RAD54B: variants seen among roughly 807,000 people sequenced by gnomAD.
RAD54B encodes the protein RAD54 homolog B, also known as DNA repair and recombination protein RAD54B.
Under a neutral mutation model 95.8 loss-of-function variants are expected in RAD54B, and 78 were observed. The ratio of observed to expected loss-of-function variants is 0.81; its 90% CI spans 0.68 to 0.98. The LOEUF (loss-of-function observed/expected upper bound fraction) is 0.98, where lower values mean the gene tolerates loss of function less well. Ranked by LOEUF, RAD54B falls within the 50% of genes least tolerant of loss-of-function variation. The pLI, the probability that RAD54B is intolerant of heterozygous loss-of-function variation, is 0.00. For synonymous variants in RAD54B, 328 were observed against 354.9 expected (o/e 0.92, Z 0.85); for missense variants, 957 against 1,056.6 (o/e 0.91, Z 1.31).
At chr8:94,401,254 G>A (rs1189055063) in intron 6 of RAD54B, among the ~76,000 whole-genome samples, 1 of 151,950 alleles carries the variant, frequency 6.6e-6, no homozygotes, top group Non-Finnish European at 1.5e-5. Flanking sequence ...ATAAATGAGT[G>A]TGCCTACCTC....
At chr8:94,446,203 A>AG (rs1812516031) in intron 3 of RAD54B, among the ~76,000 whole-genome samples, 1 of 152,212 alleles carries the variant, frequency 6.6e-6, no homozygotes, top group Non-Finnish European at 1.5e-5. Flanking sequence ...ATTGTGGGGT[A>AG]GGGGTGATTT....
At chr8:94,407,274 A>G in intron 5 of RAD54B, among the ~76,000 whole-genome samples, 165 bp downstream of exon 5, 1 of 152,218 alleles carries the variant, frequency 6.6e-6, no homozygotes, top group East Asian at 1.9e-4. Flanking sequence ...CCCAAACTAT[A>G]TTGTTATTTG....
chr8:94,458,181 T>C, intron 3 of RAD54B, 87 bp downstream of exon 3: 1 of 1,268,388 alleles, frequency 7.9e-7, no homozygotes. Context: ...TTTTCTAATA[T>C]AACATATTCA....
At chr8:94,470,728 A>G (rs905388746) in intron 1 of RAD54B, among the ~76,000 whole-genome samples, 1 of 152,074 alleles carries the variant, frequency 6.6e-6, no homozygotes, top group African/African-American at 2.4e-5. Context: ...ACTGCACTCC[A>G]GCCTGGGTGA....
intron 14 of RAD54B, 52 bp from the exon 15 acceptor site, chr8:94,372,439 AAATAC>A (rs778989577): frequency 2.5e-6 from 4 of 1,588,372 alleles, no homozygotes; most frequent in East Asian, 2.2e-5. Flanking sequence ...ATATCCTGCT[AAATAC>A]AATACTTTTT....
chr8:94,406,035 T>TAG (rs1811383062), intron 5 of RAD54B, among the ~76,000 whole-genome samples: 1 of 87,766 alleles, frequency 1.1e-5, no homozygotes, highest in South Asian at 4.0e-4. Context: ...CACATATATA[T>TAG]AAAATTCACA....
At position 94,460,424 on chromosome 8, in the gene RAD54B, T is replaced by C. The variant is rs538655703; in HGVS notation, c.136-1988A>G. ...AGGCCAAGGTTGCAGCAAGCTGAGA[T>C]CACACCACTGTACTCCAGCCTGGGC... On this transcript the variant is annotated intron_variant, in intron 2 of 14. Transcript: ENST00000336148. Among the ~76,000 whole-genome samples the C allele has an allele frequency of 7.2e-5, 11 of 151,732 alleles. No homozygotes were observed. The East Asian group carries it at 2.1e-3, about 29-fold the overall frequency.
chr8:94,399,217 A>C (rs919098458), intron 8 of RAD54B, among the ~76,000 whole-genome samples, 197 bp downstream of exon 8: 12 of 152,164 alleles, frequency 7.9e-5, no homozygotes, highest in African/African-American at 2.4e-4. Flanking sequence ...ATTCCTAAAA[A>C]ACTCCAAAGT....
chr8:94,417,063 C>T (rs910235086), intron 3 of RAD54B, among the ~76,000 whole-genome samples: 5 of 151,974 alleles, frequency 3.3e-5, no homozygotes, highest in Non-Finnish European at 7.4e-5. Context: ...AGAAAAAGAA[C>T]AAAGTACTAA....
chr8:94,393,874 T>C lies in RAD54B; in HGVS notation c.1387A>G (p.Ile463Val), dbSNP rs1811080607. ...AAAAATTCTTGCAGATCATTCTGAATTGGAGTACCTAAAGAGAGACAAAAA... is the reference window on the plus strand; with the variant it reads ...AAAAATTCTTGCAGATCATTCTGAACTGGAGTACCTAAAGAGAGACAAAAA... ...EKRIILTGTP[I>V]QNDLQEFFAL... The change falls in exon 9 of 15, where the codon ATT becomes GTT. Residue 463 changes from isoleucine (I) to valine (V), a missense_variant. Physicochemically the swap from Ile to Val is conservative, Grantham distance 29. Coordinates refer to ENST00000336148, the MANE Select transcript of RAD54B (RefSeq NM_012415.3). The C allele has an allele frequency of 1.2e-6, 2 of 1,605,060 alleles. No individual in the cohort carries two copies. The highest frequency in any genetic ancestry group is 2.2e-5 in the South Asian group (2 of 89,810).
chr8:94,459,215 C>T lies in RAD54B; in HGVS notation c.136-779G>A, dbSNP rs374386569. ...ACCCAGGCTGAAGAGTGCAGTGTCACGACCATAGCTCATTGCAGCCTTCAA... is the reference window on the plus strand; with the variant it reads ...ACCCAGGCTGAAGAGTGCAGTGTCATGACCATAGCTCATTGCAGCCTTCAA... On this transcript the variant is annotated intron_variant, in intron 2 of 14. Transcript: ENST00000336148. Among the ~76,000 whole-genome samples, 18 of 152,038 alleles carry T rather than the reference C, an allele frequency of 1.2e-4. No homozygotes were observed. The East Asian group carries it at 2.2e-3, about 18-fold the overall frequency.
At chr8:94,421,063 C>T (rs528235989) in intron 3 of RAD54B, among the ~76,000 whole-genome samples, 1 of 152,120 alleles carries the variant, frequency 6.6e-6, no homozygotes, top group Admixed American at 6.5e-5. Flanking sequence ...TATCCAAACA[C>T]TCCCACCCCC....
chr8:94,428,808 T>C (rs1233136799), intron 3 of RAD54B: 16 of 985,178 alleles, frequency 1.6e-5, no homozygotes, highest in Non-Finnish European at 1.9e-5. Context: ...AAACTGCTAA[T>C]GTTAGTTGGT....
chr8:94,436,395 T>A, intron 3 of RAD54B: 1 of 1,353,072 alleles, frequency 7.4e-7, no homozygotes, highest in Non-Finnish European at 9.7e-7. Flanking sequence ...TTGCTCCCGT[T>A]GTGGGGATGC....
At chr8:94,432,072 C>A in intron 3 of RAD54B, 1 of 1,479,004 alleles carries the variant, frequency 6.8e-7, no homozygotes, top group Non-Finnish European at 8.9e-7. Flanking sequence ...AGGATATTCC[C>A]AAATTAAAGT....
At chr8:94,378,149 T>C (rs1810642741) in intron 14 of RAD54B, 31 bp downstream of exon 14, 1 of 1,461,500 alleles carries the variant, frequency 6.8e-7, no homozygotes, top group African/African-American at 1.4e-5. Flanking sequence ...TTAACTTTAC[T>C]ACATAGTAAC....
chr8:94,403,669 T>A (rs1321391454), intron 6 of RAD54B, among the ~76,000 whole-genome samples: 1 of 150,580 alleles, frequency 6.6e-6, no homozygotes, highest in African/African-American at 2.5e-5. Flanking sequence ...ATAGTAAGAC[T>A]CCGTCTCCAA....
Position 94,391,608 on chromosome 8 carries a change from C to A in RAD54B, c.1809+1G>T, listed in dbSNP as rs865914511. 3 of 1,612,774 alleles carry A rather than the reference C, an allele frequency of 1.9e-6. No individual in the cohort carries two copies. Among genetic ancestry groups the A allele is most frequent in the Non-Finnish European group, 2.5e-6 (3 of 1,179,592 alleles). On this transcript the variant is annotated splice_donor_variant, in intron 10 of 14. Transcript: ENST00000336148. LOFTEE classifies it high-confidence loss of function. ...CACAGTTTCAGATACTATGCACTTACCTTTATAGAGTTGAACAAAAGGCAG... is the reference window on the plus strand; with the variant it reads ...CACAGTTTCAGATACTATGCACTTAACTTTATAGAGTTGAACAAAAGGCAG...
intron 3 of RAD54B, among the ~76,000 whole-genome samples, chr8:94,454,675 T>G (rs1812740895): frequency 6.6e-6 from 1 of 152,190 alleles, no homozygotes; most frequent in African/African-American, 2.4e-5. Context: ...AAACCTTCAT[T>G]TGGCAAGAGT....
Sources: gnomAD v4.1 joint callset for allele counts (sites outside exome capture counted in the v4.1 genomes callset) on GRCh38, gnomAD v4.1.1 for gene constraint, MANE v1.5 for transcripts, NCBI Gene and HGNC (gene_info 2026-07-23, HGNC 2026-07-21) for gene names.